The following SYT7 variants were observed in gnomAD, a reference collection of about 807,000 sequenced individuals.
SYT7 encodes the protein synaptotagmin-7.
SYT7 carries 29 observed loss-of-function variants against 75.1 expected under a neutral mutation model. That is an observed-to-expected ratio of 0.39 (90% confidence interval 0.29 to 0.53). The LOEUF (loss-of-function observed/expected upper bound fraction) is 0.53, where lower values mean the gene tolerates loss of function less well. Ranked by LOEUF, SYT7 falls within the 20% of genes least tolerant of loss-of-function variation. The pLI, the probability that SYT7 is intolerant of heterozygous loss-of-function variation, is 0.77. For missense variants in SYT7, 693 were observed against 953.2 expected (o/e 0.73, Z 3.59); for synonymous variants, 376 against 401.7 (o/e 0.94, Z 0.76).
intron 7 of SYT7, among the ~76,000 whole-genome samples, chr11:61,534,421 G>A (rs1265373745): frequency 5.2e-5 from 7 of 134,094 alleles, no homozygotes; most frequent in African/African-American, 2.3e-4. Flanking sequence ...ACGCACACAT[G>A]CGCATACACA....
At chr11:61,563,063 GACACCCATGCACAC>G (rs1398272319) in intron 1 of SYT7, among the ~76,000 whole-genome samples, 4 of 152,078 alleles carry the variant, frequency 2.6e-5, no homozygotes, top group Non-Finnish European at 5.9e-5. Context: ...CCCTGGCACA[GACACCCATGCACAC>G]ACACCCATGG....
chr11:61,538,395 G>C (rs1590869594), intron 6 of SYT7, 129 bp from the exon 7 acceptor site: 2 of 735,376 alleles, frequency 2.7e-6, no homozygotes, highest in African/African-American at 1.8e-5. Flanking sequence ...GAGAAAGAGA[G>C]AGAGAGAGAC....
At chr11:61,572,999 C>G (rs1226027473) in intron 1 of SYT7, among the ~76,000 whole-genome samples, 2 of 152,240 alleles carry the variant, frequency 1.3e-5, no homozygotes, top group African/African-American at 4.8e-5. Context: ...GGGATGACCC[C>G]CAAGGGAAGT....
At chr11:61,522,628 G>A (rs1259936350) in intron 12 of SYT7, among the ~76,000 whole-genome samples, 5 of 152,212 alleles carry the variant, frequency 3.3e-5, no homozygotes. Context: ...CTTGCCCAAG[G>A]TGATATGGTT....
intron 1 of SYT7, among the ~76,000 whole-genome samples, chr11:61,573,278 C>T (rs1565210216): frequency 1.3e-5 from 2 of 152,220 alleles, no homozygotes; most frequent in Admixed American, 6.5e-5. Context: ...GGCTCTATAT[C>T]CCTCACTAGG....
Position 61,527,814 on chromosome 11 carries a change from TAC to T in SYT7, c.1471+99_1471+100del. 2.1e-6 allele frequency: 3 copies of T among 1,408,386 alleles called. No homozygotes were observed. The Admixed American group carries it at 5.3e-5, about 25-fold the overall frequency. The allele number at this position is 1,408,386 out of a possible 1,614,324, so 87.2% of individuals were successfully genotyped here. Reference sequence around the variant, plus strand: ...GCATTTGTGGGCCTGCAGGTGTGTGTACACATATGTGTCTGTGCATGTGGCCA... The same window carrying T: ...GCATTTGTGGGCCTGCAGGTGTGTGTACATATGTGTCTGTGCATGTGGCCA... On this transcript the variant is annotated intron_variant, in intron 9 of 12. Transcript: ENST00000539008.
At chr11:61,579,203 C>G (rs2064167945) in intron 1 of SYT7, among the ~76,000 whole-genome samples, 1 of 152,232 alleles carries the variant, frequency 6.6e-6, no homozygotes, top group African/African-American at 2.4e-5. Context: ...ACCTTCCATC[C>G]TCATACCCCA....
chr11:61,523,040 C>T lies in SYT7; in HGVS notation c.1956+35G>A, dbSNP rs750009552. 1 of 1,606,772 alleles carries T rather than the reference C, an allele frequency of 6.2e-7. No homozygotes were observed. On this transcript the variant is annotated intron_variant, in intron 12 of 12. Transcript: ENST00000539008. The surrounding 1 kb of genome is among the most constrained non-coding windows in gnomAD (Gnocchi z 5.0). ...TTAAGGAACGGAGCCTCACTGGTGC[C>T]AGCAGGTGCACCACACCACCTGCCT...
At position 61,570,210 on chromosome 11, in the gene SYT7, T is replaced by C. The variant is rs1014582882; in HGVS notation, c.31+10580A>G. 8.5e-5 allele frequency among the ~76,000 whole-genome samples: 13 copies of C among 152,132 alleles called. No homozygotes were observed. In the South Asian group the frequency reaches 2.1e-3, roughly 24 times the overall value. On this transcript the variant is annotated intron_variant, in intron 1 of 12. Coordinates refer to ENST00000539008, the MANE Select transcript of SYT7 (RefSeq NM_001365809.2). The stretch of plus-strand genomic sequence containing the variant: ...GCTAAGTCCTACTGGTGGGTCCTGT[T>C]CCCTTCTGGGCGATGGGCAACAACA...
At position 61,514,856 on chromosome 11, in the gene SYT7, A is replaced by G. The variant is rs566682000; in HGVS notation, c.*3771T>C. On this transcript the variant is annotated 3_prime_UTR_variant, in exon 13 of 13. Transcript: ENST00000539008. ...AGAGCTCATTGTCTTTCCTTTTCCC[A>G]CCTCAGGGACCAGGAAGGAGGCGCT... is the stretch of plus-strand genomic sequence containing the variant. 2.6e-5 allele frequency among the ~76,000 whole-genome samples: 4 copies of G among 152,168 alleles called. No homozygotes were observed. The South Asian group carries it at 8.3e-4, about 32-fold the overall frequency.
In SYT7 at chr11:61,514,645, T is replaced by C. The variant is rs1292597087; in HGVS notation, c.*3982A>G. Among the ~76,000 whole-genome samples the C allele has an allele frequency of 6.6e-6, 1 of 152,144 alleles. No individual in the cohort carries two copies. Among genetic ancestry groups the C allele is most frequent in the Non-Finnish European group, 1.5e-5 (1 of 68,026 alleles). On this transcript the variant is annotated 3_prime_UTR_variant, in exon 13 of 13. Transcript: ENST00000539008. ...GATGGGGATGGTTATTGCTTTGTTG[T>C]GGCCAGAAGAAACAGGTGGAAGGAA...
At position 61,578,114 on chromosome 11, in the gene SYT7, T is replaced by C. The variant is rs961010099; in HGVS notation, c.31+2676A>G. Among the ~76,000 whole-genome samples the C allele has an allele frequency of 3.3e-5, 5 of 151,972 alleles. 1 individual carries two copies. Among genetic ancestry groups the C allele is most frequent in the Non-Finnish European group, 7.4e-5 (5 of 67,976 alleles). ...TGTGGAGCTGGAGCCTGGGTGTGCA[T>C]GGGAGGGGGCTGGTCTGGGTTCTTC... On this transcript the variant is annotated intron_variant, in intron 1 of 12. Transcript: ENST00000539008.
chr11:61,573,190 C>T (rs1305428754), intron 1 of SYT7, among the ~76,000 whole-genome samples: 1 of 152,186 alleles, frequency 6.6e-6, no homozygotes, highest in African/African-American at 2.4e-5. Flanking sequence ...GCCCTGATGC[C>T]TGGGGGGGTT....
Position 61,524,721 on chromosome 11 carries a change from G to T in SYT7, c.1472-189C>A. The T allele has an allele frequency of 1.8e-6, 1 of 546,430 alleles. No individual in the cohort carries two copies. The highest frequency in any genetic ancestry group is 3.2e-6 in the Non-Finnish European group (1 of 313,574). 33.8% of individuals were successfully genotyped at this position (546,430 alleles called of 1,614,324 possible). ...CTAGCAAGAACTGTCACCGTCTCAT[G>T]GGATTCCCTCAACAATTCTCCAAGG... is the stretch of plus-strand genomic sequence containing the variant. On this transcript the variant is annotated intron_variant, in intron 9 of 12. Transcript: ENST00000539008. This position sits in a 1 kb window ranked among gnomAD's most constrained non-coding sequence, Gnocchi z 4.1.
intron 1 of SYT7, among the ~76,000 whole-genome samples, chr11:61,579,943 G>A (rs1439370048): frequency 6.6e-6 from 1 of 152,204 alleles, no homozygotes; most frequent in Non-Finnish European, 1.5e-5. Flanking sequence ...GGTGGGCACT[G>A]GGTGAGGAGG....
Position 61,518,704 on chromosome 11 carries a change from C to T in SYT7, c.1984G>A (p.Gly662Arg). Residue 662 changes from glycine (G) to arginine (R), a missense_variant, in exon 13 of 13, where the codon GGG (glycine) becomes AGG (arginine). By Grantham distance (125) the Gly-to-Arg change is moderately radical. Around this residue, in one of 2 missense-constraint regions of SYT7, gnomAD observed 206 missense variants for 360.0 expected, o/e 0.57. Transcript: ENST00000539008. ...KIYLSWKSGP[G>R]EVKHWKDMIA... ...ATGTCCTTCCAGTGCTTCACCTCCC[C>T]TGGCCCGCTCTTCCAGGACAGGTAG... 6.5e-7 allele frequency: 1 copy of T among 1,549,174 alleles called. No individual in the cohort carries two copies. Among genetic ancestry groups the T allele is most frequent in the Non-Finnish European group, 8.7e-7 (1 of 1,145,394 alleles).
At chr11:61,545,114 CT>C (rs2063146453) in intron 5 of SYT7, among the ~76,000 whole-genome samples, 1 of 152,194 alleles carries the variant, frequency 6.6e-6, no homozygotes, top group Non-Finnish European at 1.5e-5. Context: ...TAGAAGGGCT[CT>C]GATGAGGGGA....
intron 3 of SYT7, among the ~76,000 whole-genome samples, chr11:61,547,810 G>C (rs2063236220): frequency 6.6e-6 from 1 of 152,176 alleles, no homozygotes; most frequent in Non-Finnish European, 1.5e-5. Context: ...TTCCCTGCCT[G>C]TCAAAGGAGA....
At chr11:61,584,394 C>CA (rs35108570), upstream of SYT7, among the ~76,000 whole-genome samples, 128,385 of 135,814 alleles carry the variant, frequency 0.95, 60,650 homozygotes, top group South Asian at 0.98. Flanking sequence ...GACTCCGTCT[C>CA]AAAAAAAAAA....
Sources: allele counts gnomAD v4.1 joint callset (sites outside exome capture counted in the v4.1 genomes callset), GRCh38; gene constraint gnomAD v4.1.1; regional missense constraint gnomAD v4.1.1; non-coding constraint Gnocchi (gnomAD v3.1); transcripts MANE v1.5; gene names NCBI Gene and HGNC (gene_info 2026-07-23, HGNC 2026-07-21).